SGCD: variants seen among roughly 807,000 people sequenced by gnomAD.
SGCD encodes the protein sarcoglycan delta.
A neutral mutation model predicts 36.6 loss-of-function variants in SGCD; 18 were observed. The observed-to-expected ratio is 0.49, with a 90% CI of 0.34 to 0.73. The LOEUF is 0.73. Ranked by LOEUF, SGCD falls within the 30% of genes least tolerant of loss-of-function variation. The pLI is 0.01. For missense variants in SGCD, 387 were observed against 346.7 expected (o/e 1.12, Z -0.92); for synonymous variants, 133 against 130.6 (o/e 1.02, Z -0.12).
chr5:156,098,399 A>C (rs1328044441), intron 1 of SGCD, among the ~76,000 whole-genome samples: 1 of 152,228 alleles, frequency 6.6e-6, no homozygotes, highest in African/African-American at 2.4e-5. Flanking sequence ...TACTTGAATA[A>C]ACAAGAGTTG....
At chr5:156,261,691 G>A (rs894924058) in intron 3 of SGCD, among the ~76,000 whole-genome samples, 1 of 152,098 alleles carries the variant, frequency 6.6e-6, no homozygotes, top group Non-Finnish European at 1.5e-5. Flanking sequence ...ACAGAGAAAG[G>A]CATTGTTATC....
intron 1 of SGCD, among the ~76,000 whole-genome samples, chr5:156,048,976 T>C (rs1452374752): frequency 6.7e-6 from 1 of 148,888 alleles, no homozygotes; most frequent in East Asian, 1.9e-4. Context: ...TTTAAGTCTT[T>C]AATCCATCTT....
chr5:155,727,972 C>A, the SGCD span, among the ~76,000 whole-genome samples: 3 of 152,178 alleles, frequency 2.0e-5, no homozygotes, highest in Admixed American at 1.3e-4. Flanking sequence ...CTCTGGCCGC[C>A]GCGGCCGACT....
chr5:156,492,455 C>T (rs573818174), intron 3 of SGCD, among the ~76,000 whole-genome samples: 3 of 152,222 alleles, frequency 2.0e-5, no homozygotes, highest in African/African-American at 7.2e-5. Flanking sequence ...ATTTCGATTC[C>T]AGTCTCAAGG....
At chr5:156,190,963 C>T (rs1309894537) in intron 3 of SGCD, among the ~76,000 whole-genome samples, 2 of 151,990 alleles carry the variant, frequency 1.3e-5, no homozygotes, top group East Asian at 1.9e-4. Context: ...ATGTAAATAG[C>T]ATGTACAAAA....
intron 1 of SGCD, among the ~76,000 whole-genome samples, chr5:155,966,807 C>A (rs1757909879): frequency 6.6e-6 from 1 of 152,078 alleles, no homozygotes; most frequent in East Asian, 1.9e-4. Context: ...TATCAGGTAG[C>A]AGATGATCAG....
chr5:156,349,327 G>A (rs962958749), intron 3 of SGCD, among the ~76,000 whole-genome samples: 46 of 151,974 alleles, frequency 3.0e-4, no homozygotes, highest in African/African-American at 1.0e-3. Flanking sequence ...CTATGAAGTG[G>A]GAGAAAAAAT....
intron 8 of SGCD, chr5:156,758,099 T>C: frequency 3.9e-6 from 3 of 760,296 alleles, no homozygotes; most frequent in Non-Finnish European, 4.8e-6. Context: ...CATGTTTCTG[T>C]TTTCACTGAA....
chr5:156,646,587 A>C (rs1296268308), intron 6 of SGCD, among the ~76,000 whole-genome samples: 1 of 152,212 alleles, frequency 6.6e-6, no homozygotes, highest in African/African-American at 2.4e-5. Flanking sequence ...AAAAATTCAC[A>C]CATGGAAGTA....
Position 156,574,536 on chromosome 5 carries a change from C to T in SGCD, c.295-14695C>T, listed in dbSNP as rs1759845662. 2.0e-5 allele frequency among the ~76,000 whole-genome samples: 3 copies of T among 152,068 alleles called. No homozygotes were observed. In the South Asian group the frequency reaches 6.2e-4, roughly 32 times the overall value. The stretch of plus-strand genomic sequence containing the variant: ...GCACAGCTAGGATGTTAATTCAGGG[C>T]TCTGTGCCTCCAAAGCCCTAATTAA... On this transcript the variant is annotated intron_variant, in intron 4 of 8. Transcript: ENST00000337851.
chr5:156,164,869 A>T (rs904409127), intron 3 of SGCD, among the ~76,000 whole-genome samples: 3 of 152,234 alleles, frequency 2.0e-5, no homozygotes, highest in Admixed American at 6.5e-5. Context: ...AACATGAGGA[A>T]CTGTCTTCAT....
chr5:156,397,200 A>G (rs1446891700), intron 3 of SGCD, among the ~76,000 whole-genome samples: 3 of 152,190 alleles, frequency 2.0e-5, no homozygotes, highest in Non-Finnish European at 4.4e-5. Context: ...GAGGGAGAGA[A>G]TGAAGTTTGA....
intron 1 of SGCD, among the ~76,000 whole-genome samples, chr5:156,071,078 G>C (rs993264716): frequency 2.6e-5 from 4 of 152,112 alleles, no homozygotes; most frequent in African/African-American, 9.6e-5. Flanking sequence ...CTTCCAAAAA[G>C]CAGCTCCTGG....
chr5:156,308,771 T>C (rs1327848569), intron 3 of SGCD, among the ~76,000 whole-genome samples: 1 of 152,192 alleles, frequency 6.6e-6, no homozygotes, highest in Non-Finnish European at 1.5e-5. Context: ...AACTGAACCA[T>C]ATTGTAGGCC....
chr5:156,465,704 TC>T (rs1219825254), intron 3 of SGCD, among the ~76,000 whole-genome samples: 1 of 152,192 alleles, frequency 6.6e-6, no homozygotes, highest in Admixed American at 6.5e-5. Context: ...GTCCCACACT[TC>T]CAGAGGCTTA....
At chr5:156,320,377 A>G (rs554190634) in intron 3 of SGCD, among the ~76,000 whole-genome samples, 4 of 152,144 alleles carry the variant, frequency 2.6e-5, no homozygotes, top group Non-Finnish European at 5.9e-5. Context: ...GCTTCCTTTT[A>G]TTGATCAATA....
chr5:156,580,719 A>C (rs780714631), intron 4 of SGCD, among the ~76,000 whole-genome samples: 4 of 152,166 alleles, frequency 2.6e-5, no homozygotes, highest in Non-Finnish European at 4.4e-5. Flanking sequence ...CATGCATCAC[A>C]TAGTTCTAGT....
chr5:156,456,090 C>T (rs1446343480), intron 3 of SGCD, among the ~76,000 whole-genome samples: 2 of 152,276 alleles, frequency 1.3e-5, no homozygotes, highest in Non-Finnish European at 2.9e-5. Flanking sequence ...TATTACTCTG[C>T]TATGACCATC....
chr5:156,621,863 C>T (rs1762264698), intron 6 of SGCD, among the ~76,000 whole-genome samples: 1 of 152,194 alleles, frequency 6.6e-6, no homozygotes, highest in Non-Finnish European at 1.5e-5. Flanking sequence ...TTGTTCTCAT[C>T]TCTTTGTGTG....
Sources: gnomAD v4.1 joint callset for allele counts (sites outside exome capture counted in the v4.1 genomes callset) on GRCh38, gnomAD v4.1.1 for gene constraint, MANE v1.5 for transcripts, NCBI Gene and HGNC (gene_info 2026-07-23, HGNC 2026-07-21) for gene names.